Variants in LRBA observed in about 807,000 individuals in gnomAD.
The protein encoded by LRBA is LPS responsive beige-like anchor protein.
Under a neutral mutation model 330.0 loss-of-function variants are expected in LRBA, and 176 were observed. The ratio of observed to expected loss-of-function variants is 0.53; its 90% CI spans 0.47 to 0.60. LRBA has a LOEUF of 0.60. LRBA is among the 20% of genes least tolerant of loss of function. The probability of loss-of-function intolerance (pLI) is 0.00; values close to 1 mark genes in which losing one functional copy is unlikely to be tolerated. For synonymous variants in LRBA, 1,230 were observed against 1,193.0 expected (o/e 1.03, Z -0.64); for missense variants, 3,259 against 3,444.8 (o/e 0.95, Z 1.35).
At chr4:150,367,557 TAAC>T (rs1277262452) in intron 47 of LRBA, among the ~76,000 whole-genome samples, 2 of 152,220 alleles carry the variant, frequency 1.3e-5, no homozygotes, top group Non-Finnish European at 2.9e-5. Flanking sequence ...AGCTGCCCAG[TAAC>T]AACTACAGCG....
chr4:150,367,179 A>C (rs1739576743), intron 47 of LRBA, among the ~76,000 whole-genome samples: 1 of 152,198 alleles, frequency 6.6e-6, no homozygotes, highest in Admixed American at 6.5e-5. Flanking sequence ...GTGTTTTAGA[A>C]AACTAAACTT....
chr4:150,578,237 A>C (rs1364286765), intron 40 of LRBA, among the ~76,000 whole-genome samples: 1 of 152,196 alleles, frequency 6.6e-6, no homozygotes, highest in Non-Finnish European at 1.5e-5. Flanking sequence ...ATTATCTTAG[A>C]ATAAAACATT....
chr4:150,282,643 C>T lies in LRBA; in HGVS notation c.8123G>A (p.Gly2708Glu). Reference sequence around the variant, plus strand: ...ATTCATGGAATGTATGAGACATGGTCCTTCTGAGAAGAGAGGAGAAATAAA... The same window carrying T: ...ATTCATGGAATGTATGAGACATGGTTCTTCTGAGAAGAGAGGAGAAATAAA... ...LGLVLSGSQE[G>E]PCLIHSMNGD... The change falls in exon 55 of 57, where the codon GGA becomes GAA. Residue 2708 changes from glycine (G) to glutamate (E), a missense_variant. Physicochemically the swap from Gly to Glu is moderately conservative, Grantham distance 98. Coordinates refer to ENST00000651943, the MANE Select transcript of LRBA (RefSeq NM_001364905.1). 1 of 1,594,504 alleles carries T rather than the reference C, an allele frequency of 6.3e-7. No homozygotes were observed. The highest frequency in any genetic ancestry group is 8.6e-7 in the Non-Finnish European group (1 of 1,168,956).
At chr4:150,585,479 G>A (rs1772002306) in intron 40 of LRBA, among the ~76,000 whole-genome samples, 1 of 152,098 alleles carries the variant, frequency 6.6e-6, no homozygotes, top group Non-Finnish European at 1.5e-5. Flanking sequence ...GTTTTTCTAA[G>A]GTAACAAACC....
At chr4:150,433,818 A>T (rs74696905) in intron 46 of LRBA, among the ~76,000 whole-genome samples, 22,735 of 152,068 alleles carry the variant, frequency 0.15, 1,719 homozygotes, top group Middle Eastern at 0.18. Context: ...TTTACTGGTG[A>T]TTTTTAAAGA....
intron 9 of LRBA, among the ~76,000 whole-genome samples, chr4:150,909,366 T>A (rs1731713914): frequency 6.6e-6 from 1 of 152,212 alleles, no homozygotes. Context: ...ATAAGTGGAA[T>A]CATACAGTAT....
At chr4:150,819,041 G>A (rs1578883129) in intron 30 of LRBA, among the ~76,000 whole-genome samples, 1 of 151,894 alleles carries the variant, frequency 6.6e-6, no homozygotes, top group East Asian at 1.9e-4. Context: ...ATTTTTAATG[G>A]TGCTATGCTT....
chr4:150,792,397 A>T (rs1740081285), intron 34 of LRBA, among the ~76,000 whole-genome samples: 1 of 152,204 alleles, frequency 6.6e-6, no homozygotes, highest in Admixed American at 6.5e-5. Context: ...GGCACAGGGA[A>T]ATTTGAGGAT....
intron 35 of LRBA, among the ~76,000 whole-genome samples, chr4:150,745,897 A>T (rs1341949155): frequency 1.3e-5 from 2 of 152,062 alleles, no homozygotes; most frequent in Non-Finnish European, 2.9e-5. Context: ...CCATTTACTG[A>T]CATATACACT....
chr4:150,910,762 T>C (rs1347534078), intron 9 of LRBA, among the ~76,000 whole-genome samples: 1 of 150,180 alleles, frequency 6.7e-6, no homozygotes, highest in African/African-American at 2.5e-5. Flanking sequence ...TTAGGTAGTA[T>C]GGATTTTTAG....
At chr4:150,988,002 A>C (rs74943541) in intron 2 of LRBA, among the ~76,000 whole-genome samples, 2 of 138,514 alleles carry the variant, frequency 1.4e-5, no homozygotes, top group Admixed American at 7.3e-5. Context: ...ACTCCGTCTC[A>C]AAAAAAAAAA....
At position 150,597,002 on chromosome 4, in the gene LRBA, T is replaced by C. The variant is rs967521011; in HGVS notation, c.6046+2005A>G. 111 of 701,356 alleles carry C rather than the reference T, an allele frequency of 1.6e-4. 1 individual carries two copies. In the South Asian group the frequency reaches 2.0e-3, roughly 13 times the overall value. The allele number at this position is 701,356 out of a possible 1,614,324, so 43.4% of individuals were successfully genotyped here. ...CACATTTAGATTTTTAAACATATATTTCAAACGCAAGTTTTGTTTTTAACA... is the reference window on the plus strand; with the variant it reads ...CACATTTAGATTTTTAAACATATATCTCAAACGCAAGTTTTGTTTTTAACA... On this transcript the variant is annotated intron_variant, in intron 38 of 56. Coordinates refer to ENST00000651943, the MANE Select transcript of LRBA (RefSeq NM_001364905.1).
At chr4:150,998,039 T>C (rs570706438) in intron 2 of LRBA, among the ~76,000 whole-genome samples, 8 of 151,182 alleles carry the variant, frequency 5.3e-5, no homozygotes, top group Non-Finnish European at 1.2e-4. Context: ...TGAAAACTCT[T>C]TTTTTTTTCT....
At chr4:150,317,310 A>G (rs2126907334) in intron 50 of LRBA, among the ~76,000 whole-genome samples, 1 of 152,282 alleles carries the variant, frequency 6.6e-6, no homozygotes, top group Non-Finnish European at 1.5e-5. Context: ...GTACATTTCA[A>G]TAAGTTCATT....
Position 150,346,757 on chromosome 4 carries a change from C to CCAAAAAAAAAAAAAAAAAAAAA in LRBA, c.7362+3234_7362+3235insTTTTTTTTTTTTTTTTTTTTTG, listed in dbSNP as rs1206950764. ...CTGGCAACAATGTGAGACTCTGTCT[C>CCAAAAAAAAAAAAAAAAAAAAA]AAAAAAAAAAAAAAAAAAAAAAAAA... On this transcript the variant is annotated intron_variant, in intron 48 of 56. Coordinates refer to ENST00000651943, the MANE Select transcript of LRBA (RefSeq NM_001364905.1). Among the ~76,000 whole-genome samples, 10 of 66,134 alleles carry CCAAAAAAAAAAAAAAAAAAAAA rather than the reference C, an allele frequency of 1.5e-4. 1 individual carries two copies. The highest frequency in any genetic ancestry group is 7.0e-4 in the African/African-American group (9 of 12,876). The allele number at this position is 66,134 out of a possible 152,430, so 43.4% of individuals were successfully genotyped here.
chr4:150,611,973 G>A (rs1407725821), intron 37 of LRBA, among the ~76,000 whole-genome samples: 1 of 152,066 alleles, frequency 6.6e-6, no homozygotes, highest in African/African-American at 2.4e-5. Context: ...CACAATCACG[G>A]TTCACTGCAA....
intron 40 of LRBA, among the ~76,000 whole-genome samples, chr4:150,562,716 A>G (rs1768531913): frequency 1.3e-5 from 2 of 152,236 alleles, no homozygotes; most frequent in Admixed American, 6.5e-5. Flanking sequence ...TTTAAATAGT[A>G]GAAACATTAC....
rs559092244 is a variant in LRBA at position 150,957,076 on chromosome 4, C to T, written c.217-28011G>A. 1.2e-4 allele frequency among the ~76,000 whole-genome samples: 18 copies of T among 149,046 alleles called. 2 individuals carry two copies. The highest frequency in any genetic ancestry group is 4.4e-4 in the African/African-American group (17 of 38,508). On this transcript the variant is annotated intron_variant, in intron 2 of 56. Transcript: ENST00000651943. ...GGAAAGGGGTACAAACAATGACCAA[C>T]ACAATAACAATGAACATGCTTACTG...
intron 4 of LRBA, 86 bp from the exon 5 acceptor site, chr4:150,921,379 T>C: frequency 9.0e-6 from 7 of 776,166 alleles, no homozygotes; most frequent in Non-Finnish European, 1.1e-5. Flanking sequence ...TGCTGTAATA[T>C]ATACAGGAAT....
Sources: allele counts gnomAD v4.1 joint callset (sites outside exome capture counted in the v4.1 genomes callset), GRCh38; gene constraint gnomAD v4.1.1; transcripts MANE v1.5; gene names NCBI Gene and HGNC (gene_info 2026-07-23, HGNC 2026-07-21).